ARHGAP35: variants seen among roughly 807,000 people sequenced by gnomAD.
ARHGAP35 encodes the protein Rho GTPase activating protein 35.
A neutral mutation model predicts 111.1 loss-of-function variants in ARHGAP35; 15 were observed. That is an observed-to-expected ratio of 0.13 (90% confidence interval 0.09 to 0.21). ARHGAP35 has a LOEUF of 0.21. ARHGAP35 is among the 10% of genes least tolerant of loss of function. The pLI, the probability that ARHGAP35 is intolerant of heterozygous loss-of-function variation, is 1.00. For synonymous variants in ARHGAP35, 643 were observed against 710.3 expected (o/e 0.91, Z 1.51); for missense variants, 1,262 against 1,873.0 (o/e 0.67, Z 6.02).
chr19:46,873,616 G>A (rs1160843076), intron 1 of ARHGAP35, among the ~76,000 whole-genome samples: 18 of 138,028 alleles, frequency 1.3e-4, no homozygotes, highest in African/African-American at 4.9e-4. Context: ...CCACCTGGCT[G>A]ACAGAGCGAG....
chr19:46,919,340 A>G lies in ARHGAP35; in HGVS notation c.665A>G (p.Asn222Ser), dbSNP rs756448377. The change falls in exon 2 of 7, where the codon AAC (asparagine) becomes AGC (serine). Residue 222 changes from asparagine to serine, a missense_variant. By Grantham distance (46) the Asn-to-Ser change is conservative (BLOSUM62 1). This residue lies in a region of ARHGAP35 where 125 missense variants were observed against 301.7 expected (regional missense o/e 0.41). Coordinates refer to ENST00000672722, the MANE Select transcript of ARHGAP35 (RefSeq NM_004491.5). This position sits in a 1 kb window ranked among gnomAD's most constrained non-coding sequence, Gnocchi z 6.2. Reference sequence around the variant, plus strand: ...CATACTTTTGCCTTAAGCAAAAAGAACCTCCAGGTTGTGGAGACCTCAGCG... The same window carrying G: ...CATACTTTTGCCTTAAGCAAAAAGAGCCTCCAGGTTGTGGAGACCTCAGCG... Reference protein sequence around the residue: ...DAHTFALSKKNLQVVETSARS... With the variant: ...DAHTFALSKKSLQVVETSARS... 6.2e-7 allele frequency: 1 copy of G among 1,613,880 alleles called. No individual in the cohort carries two copies. The highest frequency in any genetic ancestry group is 1.7e-5 in the Admixed American group (1 of 59,998).
intron 3 of ARHGAP35, among the ~76,000 whole-genome samples, chr19:46,960,251 C>A (rs943966442): frequency 2.0e-5 from 3 of 152,150 alleles, no homozygotes; most frequent in African/African-American, 7.2e-5. Flanking sequence ...TCAGTCAGAT[C>A]TGTCATTAGG....
rs368137748 is a variant in ARHGAP35 at position 46,920,715 on chromosome 19, G to A, written c.2040G>A (p.Lys680=). ...CCTATGTAGTGGAAAGTATAGAGAAGAGTAGAGAGTCCACGCTGGGCCGGC... is the reference window on the plus strand; with the variant it reads ...CCTATGTAGTGGAAAGTATAGAGAAAAGTAGAGAGTCCACGCTGGGCCGGC... ...SLSYVVESIE[K]SRESTLGRRD... Residue 680 remains lysine (K), a synonymous_variant, in exon 2 of 7, where the codon AAG becomes AAA. Transcript: ENST00000672722. The surrounding 1 kb of genome is among the most constrained non-coding windows in gnomAD (Gnocchi z 7.0). The A allele has an allele frequency of 3.7e-6, 6 of 1,613,686 alleles. No homozygotes were observed. The African/African-American group carries it at 8.0e-5, about 22-fold the overall frequency.
chr19:46,904,954 G>A (rs571834320), intron 1 of ARHGAP35, among the ~76,000 whole-genome samples: 160 of 152,186 alleles, frequency 1.1e-3, no homozygotes, highest in Non-Finnish European at 1.9e-3. Flanking sequence ...GTGGAGGGAC[G>A]AGAGCTGGGG....
chr19:46,999,859 A>G lies in ARHGAP35; in HGVS notation c.4142+450A>G, dbSNP rs967267322. 1.9e-5 allele frequency: 4 copies of G among 211,866 alleles called. No homozygotes were observed. The South Asian group carries it at 5.1e-4, about 27-fold the overall frequency. The allele number at this position is 211,866 out of a possible 1,614,324, so 13.1% of individuals were successfully genotyped here. Reference sequence around the variant, plus strand: ...GAACCGGGACACTGCACCTCGAGAGATGTGCTGCAGGAGACAGCCAGCCTC... The same window carrying G: ...GAACCGGGACACTGCACCTCGAGAGGTGTGCTGCAGGAGACAGCCAGCCTC... On this transcript the variant is annotated intron_variant, in intron 6 of 6. Transcript: ENST00000672722. This position sits in a 1 kb window ranked among gnomAD's most constrained non-coding sequence, Gnocchi z 5.4.
At chr19:46,998,750 G>A (rs571240762) in intron 5 of ARHGAP35, among the ~76,000 whole-genome samples, 31 of 152,336 alleles carry the variant, frequency 2.0e-4, no homozygotes, top group African/African-American at 6.7e-4. Flanking sequence ...AAGGGGGTGC[G>A]TAGTTCCTTT....
intron 2 of ARHGAP35, among the ~76,000 whole-genome samples, chr19:46,924,832 G>A (rs2056229180): frequency 6.6e-6 from 1 of 152,218 alleles, no homozygotes; most frequent in Admixed American, 6.5e-5. Context: ...ATAGCATACT[G>A]AATTATAACT....
At chr19:46,981,668 G>A (rs73940794) in intron 3 of ARHGAP35, among the ~76,000 whole-genome samples, 22 of 152,158 alleles carry the variant, frequency 1.4e-4, no homozygotes, top group South Asian at 4.2e-4. Flanking sequence ...TTTAGTGTCC[G>A]TCCTGCCACA....
chr19:46,889,635 T>G (rs905836265), intron 1 of ARHGAP35, among the ~76,000 whole-genome samples: 22 of 150,882 alleles, frequency 1.5e-4, no homozygotes, highest in African/African-American at 5.1e-4. Flanking sequence ...CACAGTGTGT[T>G]ACTGTGGCTC....
intron 2 of ARHGAP35, among the ~76,000 whole-genome samples, chr19:46,930,052 T>C (rs2056263570): frequency 6.6e-6 from 1 of 152,058 alleles, no homozygotes; most frequent in East Asian, 1.9e-4. Context: ...CATGAGTCAC[T>C]GCACCTGGCT....
At chr19:46,970,553 G>A (rs1351220679) in intron 3 of ARHGAP35, among the ~76,000 whole-genome samples, 5 of 152,176 alleles carry the variant, frequency 3.3e-5, no homozygotes, top group African/African-American at 1.2e-4. Flanking sequence ...CCCTGTGGAT[G>A]GTGCAGAGTC....
rs1264460405 is a variant in ARHGAP35, at chr19:46,994,339, A to G, written c.4036+4664A>G. On this transcript the variant is annotated intron_variant, in intron 5 of 6. Coordinates refer to ENST00000672722, the MANE Select transcript of ARHGAP35 (RefSeq NM_004491.5). The surrounding 1 kb of genome is among the most constrained non-coding windows in gnomAD (Gnocchi z 5.4). ...CTGAAGATGGTGAGTGGCTGCCCTGAGTGTGCCGCTGCCCTGTGACCAGGT... is the reference window on the plus strand; with the variant it reads ...CTGAAGATGGTGAGTGGCTGCCCTGGGTGTGCCGCTGCCCTGTGACCAGGT... Among the ~76,000 whole-genome samples the G allele has an allele frequency of 1.3e-5, 2 of 152,160 alleles. No homozygotes were observed. Among genetic ancestry groups the G allele is most frequent in the Admixed American group, 1.3e-4 (2 of 15,276 alleles).
rs1431301229 is a variant in ARHGAP35, at chr19:46,926,372, A to G, written c.3681+4016A>G. On this transcript the variant is annotated intron_variant, in intron 2 of 6. Coordinates refer to ENST00000672722, the MANE Select transcript of ARHGAP35 (RefSeq NM_004491.5). The surrounding 1 kb of genome is among the most constrained non-coding windows in gnomAD (Gnocchi z 4.1). Reference sequence around the variant, plus strand: ...CTACGATTGCACTTCAGTAGGGTCCATGAATAGTGGCTTTGTCTGTAAAGA... The same window carrying G: ...CTACGATTGCACTTCAGTAGGGTCCGTGAATAGTGGCTTTGTCTGTAAAGA... 1.3e-5 allele frequency among the ~76,000 whole-genome samples: 2 copies of G among 152,222 alleles called. No homozygotes were observed. The highest frequency in any genetic ancestry group is 2.4e-5 in the African/African-American group (1 of 41,460).
chr19:46,940,680 C>A (rs1328866799), intron 3 of ARHGAP35, among the ~76,000 whole-genome samples: 1 of 151,142 alleles, frequency 6.6e-6, no homozygotes, highest in Non-Finnish European at 1.5e-5. Context: ...GTCTCAAACT[C>A]CTGAGCTCAA....
At chr19:46,981,682 AC>A (rs1207692572) in intron 3 of ARHGAP35, among the ~76,000 whole-genome samples, 1 of 151,778 alleles carries the variant, frequency 6.6e-6, no homozygotes, top group East Asian at 1.9e-4. Context: ...TGCCACAGAC[AC>A]CTCCCAGGAG....
Position 47,001,274 on chromosome 19 carries a change from C to A in ARHGAP35, c.*586C>A. ...TGCAGATCAGAACAACGGAGGATAG[C>A]TTTGTGCCTGGACCCAGAGAGTGTG... On this transcript the variant is annotated 3_prime_UTR_variant, in exon 7 of 7. Coordinates refer to ENST00000672722, the MANE Select transcript of ARHGAP35 (RefSeq NM_004491.5). The surrounding 1 kb of genome is among the most constrained non-coding windows in gnomAD (Gnocchi z 5.4). The A allele has an allele frequency of 7.8e-7, 1 of 1,290,292 alleles. No individual in the cohort carries two copies. The highest frequency in any genetic ancestry group is 1.0e-6 in the Non-Finnish European group (1 of 989,458). The allele number at this position is 1,290,292 out of a possible 1,614,324, so 79.9% of individuals were successfully genotyped here.
intron 1 of ARHGAP35, among the ~76,000 whole-genome samples, chr19:46,870,264 A>C (rs576468701): frequency 2.0e-5 from 3 of 149,922 alleles, no homozygotes; most frequent in Non-Finnish European, 4.5e-5. Context: ...ACTTTTTTTA[A>C]TGCTGTCAAT....
chr19:46,922,606 A>G lies in ARHGAP35; in HGVS notation c.3681+250A>G, dbSNP rs965453771. ...CAATAGTTAATTAATTAGCAAAATG[A>G]GGAGATAATGCAGAACTTGTCAGTG... On this transcript the variant is annotated intron_variant, in intron 2 of 6. Transcript: ENST00000672722. The surrounding 1 kb of genome is among the most constrained non-coding windows in gnomAD (Gnocchi z 4.0). Among the ~76,000 whole-genome samples, 7 of 152,222 alleles carry G rather than the reference A, an allele frequency of 4.6e-5. No homozygotes were observed. The highest frequency in any genetic ancestry group is 2.0e-4 in the Admixed American group (3 of 15,286).
At chr19:46,906,403 C>G (rs1214355262) in intron 1 of ARHGAP35, among the ~76,000 whole-genome samples, 1 of 152,194 alleles carries the variant, frequency 6.6e-6, no homozygotes, top group Non-Finnish European at 1.5e-5. Flanking sequence ...CTGCCAGTTC[C>G]ATCCAGGGCT....
Sources: gnomAD v4.1 joint callset for allele counts (sites outside exome capture counted in the v4.1 genomes callset) on GRCh38, gnomAD v4.1.1 for gene constraint, gnomAD v4.1.1 regional missense constraint, Gnocchi (gnomAD v3.1) non-coding constraint, MANE v1.5 for transcripts, NCBI Gene and HGNC (gene_info 2026-07-23, HGNC 2026-07-21) for gene names.